The following STAMBPL1 variants were observed in gnomAD, a reference collection of about 807,000 sequenced individuals.
The protein encoded by STAMBPL1 is STAM binding protein like 1.
In STAMBPL1, 44 loss-of-function variants were observed where a neutral mutation model predicts 52.9. The observed-to-expected ratio is 0.83, with a 90% CI of 0.65 to 1.07. The LOEUF (loss-of-function observed/expected upper bound fraction) is 1.07, where lower values mean the gene tolerates loss of function less well. STAMBPL1 is among the 50% of genes least tolerant of loss of function. STAMBPL1 has a pLI of 0.00. For missense variants in STAMBPL1, 511 were observed against 520.8 expected, an observed-to-expected ratio of 0.98 and a Z score of 0.18; for synonymous variants, 164 against 177.3, an observed-to-expected ratio of 0.92 and a Z score of 0.60.
chr10:88,898,117 T>A (rs1423573742), intron 1 of STAMBPL1, among the ~76,000 whole-genome samples: 1 of 152,206 alleles, frequency 6.6e-6, no homozygotes, highest in African/African-American at 2.4e-5. Context: ...TTTCAGACTT[T>A]ATTGGTCTTG....
chr10:88,895,884 C>G (rs1410314208), intron 1 of STAMBPL1, among the ~76,000 whole-genome samples: 1 of 152,180 alleles, frequency 6.6e-6, no homozygotes, highest in African/African-American at 2.4e-5. Flanking sequence ...CTTTCTTGCA[C>G]TCACAGTAGC....
At chr10:88,911,441 T>C (rs566959316) in intron 5 of STAMBPL1, among the ~76,000 whole-genome samples, 5 of 152,272 alleles carry the variant, frequency 3.3e-5, no homozygotes, top group East Asian at 1.9e-4. Context: ...CAGTATTGCA[T>C]TGAGATAGAA....
intron 3 of STAMBPL1, 23 bp from the exon 4 acceptor site, chr10:88,908,679 A>C: frequency 6.3e-7 from 1 of 1,598,896 alleles, no homozygotes; most frequent in South Asian, 1.1e-5. Flanking sequence ...CATAATGCTA[A>C]GGACATGTTT....
intron 1 of STAMBPL1, among the ~76,000 whole-genome samples, chr10:88,896,149 TA>T (rs2133148055): frequency 6.6e-6 from 1 of 152,370 alleles, no homozygotes; most frequent in South Asian, 2.1e-4. Flanking sequence ...ATTTCGTTTT[TA>T]TCTTATCAAT....
intron 1 of STAMBPL1, among the ~76,000 whole-genome samples, chr10:88,887,691 A>T (rs1474726489): frequency 1.3e-5 from 2 of 149,858 alleles, no homozygotes; most frequent in Non-Finnish European, 3.0e-5. Flanking sequence ...GCTATTTTTA[A>T]TTTTTTTTTT....
chr10:88,905,633 C>T lies in STAMBPL1; in HGVS notation c.221C>T (p.Ala74Val). ...TTGGAAGAAGGAAATTTGGAAAATG[C>T]CTTTGTTCTTTATAATAAATTTATA... ...VYLEEGNLEN[A>V]FVLYNKFITL... Residue 74 changes from alanine to valine, a missense_variant, in exon 3 of 11, where the codon GCC becomes GTC. Transcript: ENST00000371926. 6.2e-7 allele frequency: 1 copy of T among 1,613,746 alleles called. No individual in the cohort carries two copies. Among genetic ancestry groups the T allele is most frequent in the Non-Finnish European group, 8.5e-7 (1 of 1,179,830 alleles).
intron 1 of STAMBPL1, among the ~76,000 whole-genome samples, chr10:88,884,214 T>TTGTG (rs1844473836): frequency 1.3e-5 from 2 of 152,224 alleles, no homozygotes; most frequent in Admixed American, 1.3e-4. Flanking sequence ...TTATCACTGT[T>TTGTG]CTGAAGTAGC....
chr10:88,887,062 T>C lies in STAMBPL1; in HGVS notation c.-54+6424T>C, dbSNP rs115304401. ...CCCAATCTGTTTTGTCCTTGAAAGG[T>C]TGGTTTATAAATTGTTCCACAAGAT... On this transcript the variant is annotated intron_variant, in intron 1 of 10. Transcript: ENST00000371926. 6.0e-3 allele frequency among the ~76,000 whole-genome samples: 916 copies of C among 152,278 alleles called. 5 individuals are homozygous for C. Among genetic ancestry groups the C allele is most frequent in the African/African-American group, 0.021 (873 of 41,544 alleles).
At chr10:88,922,977 G>T (rs1845552375) in intron 10 of STAMBPL1, among the ~76,000 whole-genome samples, 191 bp from the exon 11 acceptor site, 1 of 151,828 alleles carries the variant, frequency 6.6e-6, no homozygotes. Context: ...AAATTATTTG[G>T]CAACCCCTGT....
At chr10:88,911,070 T>G in intron 5 of STAMBPL1, 59 bp downstream of exon 5, 1 of 1,144,918 alleles carries the variant, frequency 8.7e-7, no homozygotes, top group Non-Finnish European at 1.2e-6. Context: ...TTTTTTGAAT[T>G]TCATTTTTAT....
At chr10:88,922,830 G>T (rs1845548703) in intron 10 of STAMBPL1, among the ~76,000 whole-genome samples, 1 of 151,996 alleles carries the variant, frequency 6.6e-6, no homozygotes, top group Non-Finnish European at 1.5e-5. Flanking sequence ...TGGAAACTAT[G>T]ATCATACTTC....
intron 1 of STAMBPL1, among the ~76,000 whole-genome samples, chr10:88,897,252 T>C (rs1844834724): frequency 6.6e-6 from 1 of 152,214 alleles, no homozygotes; most frequent in African/African-American, 2.4e-5. Flanking sequence ...GAGCTACTTG[T>C]TAGCTGAATC....
chr10:88,907,540 G>A (rs1845106004), intron 3 of STAMBPL1, among the ~76,000 whole-genome samples: 1 of 152,080 alleles, frequency 6.6e-6, no homozygotes, highest in East Asian at 1.9e-4. Flanking sequence ...TGTGAGCCTG[G>A]TGAAAAGGAA....
intron 1 of STAMBPL1, among the ~76,000 whole-genome samples, chr10:88,891,417 C>CT (rs2133132572): frequency 6.6e-6 from 1 of 152,232 alleles, no homozygotes; most frequent in African/African-American, 2.4e-5. Context: ...AAAATGGCCA[C>CT]TTTCAAACAC....
In STAMBPL1 at chr10:88,913,379, T is replaced by C. The variant is rs777657129; in HGVS notation, c.699T>C (p.Ser233=). The C allele has an allele frequency of 6.2e-7, 1 of 1,613,772 alleles. No individual in the cohort carries two copies. Among genetic ancestry groups the C allele is most frequent in the South Asian group, 1.1e-5 (1 of 91,066 alleles). The part of the protein sequence containing the change: ...LNVFADQPNK[S]DATNYASHSP... ...TATTTGCAGATCAACCTAATAAAAG[T>C]GATGCAACCAATTATGCTAGCCACT... Residue 233 remains serine, a synonymous_variant, in exon 6 of 11, where the codon AGT becomes AGC. Transcript: ENST00000371926.
chr10:88,921,864 T>G (rs1328055213), intron 9 of STAMBPL1, among the ~76,000 whole-genome samples: 1 of 152,174 alleles, frequency 6.6e-6, no homozygotes, highest in Non-Finnish European at 1.5e-5. Flanking sequence ...GGTCTCTGCC[T>G]CTTCATCCCT....
chr10:88,905,354 C>G, intron 2 of STAMBPL1, 89 bp from the exon 3 acceptor site: 1 of 1,006,750 alleles, frequency 9.9e-7, no homozygotes, highest in Non-Finnish European at 1.5e-6. Context: ...TGTTAGGTTC[C>G]TCATAAAGAA....
In STAMBPL1 at chr10:88,885,365, C is replaced by T. The variant is rs375487991; in HGVS notation, c.-54+4727C>T. 1.2e-4 allele frequency among the ~76,000 whole-genome samples: 18 copies of T among 152,178 alleles called. No individual in the cohort carries two copies. The East Asian group carries it at 2.1e-3, about 18-fold the overall frequency. On this transcript the variant is annotated intron_variant, in intron 1 of 10. Transcript: ENST00000371926. ...TATAACTGTTTCTCCTTGATGTTTT[C>T]GTATTTTGTAAGTAATGTTTTTATT... is the stretch of plus-strand genomic sequence containing the variant.
Position 88,910,686 on chromosome 10 carries a change from C to T in STAMBPL1, c.325-230C>T, listed in dbSNP as rs186099160. ...CATTGGGCTATAACAAAATGCTTAT[C>T]CAATCAGTGGGGCCAATAAAGGTCT... is the stretch of plus-strand genomic sequence containing the variant. On this transcript the variant is annotated intron_variant, in intron 4 of 10. Coordinates refer to ENST00000371926, the MANE Select transcript of STAMBPL1 (RefSeq NM_020799.4). Among the ~76,000 whole-genome samples the T allele has an allele frequency of 2.4e-4, 36 of 152,272 alleles. 1 individual carries two copies. In the East Asian group the frequency reaches 6.7e-3, roughly 29 times the overall value.
Sources: gnomAD v4.1 joint callset for allele counts (sites outside exome capture counted in the v4.1 genomes callset) on GRCh38, gnomAD v4.1.1 for gene constraint, MANE v1.5 for transcripts, NCBI Gene and HGNC (gene_info 2026-07-23, HGNC 2026-07-21) for gene names.